The following ANKRD44 variants were observed in gnomAD, a reference collection of about 807,000 sequenced individuals.
ANKRD44 encodes ankyrin repeat domain 44, also known as serine/threonine-protein phosphatase 6 regulatory ankyrin repeat subunit B.
Under a neutral mutation model 116.0 loss-of-function variants are expected in ANKRD44, and 35 were observed. The ratio of observed to expected loss-of-function variants is 0.30; its 90% confidence interval spans 0.23 to 0.40. ANKRD44 has a LOEUF of 0.40. Ranked by LOEUF, ANKRD44 falls within the 10% of genes least tolerant of loss-of-function variation. The pLI, the probability that ANKRD44 is intolerant of heterozygous loss-of-function variation, is 1.00. For synonymous variants in ANKRD44, 435 were observed against 461.8 expected, an observed-to-expected ratio of 0.94 and a Z score of 0.74; for missense variants, 1,014 against 1,242.6, an observed-to-expected ratio of 0.82 and a Z score of 2.77.
At chr2:197,089,064 A>C (rs1164926061) in intron 11 of ANKRD44, among the ~76,000 whole-genome samples, 1 of 152,206 alleles carries the variant, frequency 6.6e-6, no homozygotes, top group African/African-American at 2.4e-5. Context: ...AACCAATTTG[A>C]GATAAGTAGG....
chr2:197,083,654 A>T (rs1308099434), intron 13 of ANKRD44, 145 bp from the exon 14 acceptor site: 1 of 745,664 alleles, frequency 1.3e-6, no homozygotes, highest in African/African-American at 1.8e-5. Flanking sequence ...GCCTTCCTTC[A>T]ACTATACAAG....
At chr2:197,299,369 G>A (rs1479298148) in intron 1 of ANKRD44, 1 of 152,118 alleles carries the variant, frequency 6.6e-6, no homozygotes, top group East Asian at 1.9e-4. Context: ...ATAAGAAAAA[G>A]GTACTTGCAC....
At position 197,242,778 on chromosome 2, in the gene ANKRD44, C is replaced by T. The variant is rs76806340; in HGVS notation, c.28-55672G>A. Among the ~76,000 whole-genome samples the T allele has an allele frequency of 2.2e-3, 336 of 152,280 alleles. 4 individuals are homozygous for T. Among genetic ancestry groups the T allele is most frequent in the African/African-American group, 7.6e-3 (315 of 41,556 alleles). ...AGGCAAAGGACATGCTTTTATTTAC[C>T]TGGGCCTCAACACTCAAGATGAGAC... On this transcript the variant is annotated intron_variant, in intron 1 of 27. Coordinates refer to ENST00000282272, the MANE Select transcript of ANKRD44 (RefSeq NM_001195144.2).
intron 7 of ANKRD44, 24 bp downstream of exon 7, chr2:197,122,626 A>G (rs754196167): frequency 1.2e-6 from 2 of 1,608,832 alleles, no homozygotes; most frequent in South Asian, 1.1e-5. Flanking sequence ...CTGGCCATGC[A>G]TTGATGCATT....
chr2:197,062,546 G>A lies in ANKRD44; in HGVS notation c.1650+16157C>T, dbSNP rs146284046. The stretch of plus-strand genomic sequence containing the variant: ...AGCAGGGCGAGGCATCGCCTCACCC[G>A]GGAAGCGCAAGGGGTCAGGGAATTC... On this transcript the variant is annotated intron_variant, in intron 16 of 27. Coordinates refer to ENST00000282272, the MANE Select transcript of ANKRD44 (RefSeq NM_001195144.2). Among the ~76,000 whole-genome samples the A allele has an allele frequency of 0.013, 1,925 of 152,310 alleles. 107 individuals carry two copies. The East Asian group carries it at 0.15, about 12-fold the overall frequency.
At chr2:197,229,786 T>C (rs2081812429) in intron 1 of ANKRD44, among the ~76,000 whole-genome samples, 2 of 152,166 alleles carry the variant, frequency 1.3e-5, no homozygotes, top group African/African-American at 4.8e-5. Flanking sequence ...AAACTAGGGC[T>C]AGAGCCCATG....
intron 4 of ANKRD44, among the ~76,000 whole-genome samples, chr2:197,131,254 C>T (rs1328830709): frequency 6.7e-6 from 1 of 149,946 alleles, no homozygotes; most frequent in Non-Finnish European, 1.5e-5. Context: ...TGCAGTGGCG[C>T]GATCTCGGCT....
chr2:197,049,460 A>G (rs1268926692), intron 16 of ANKRD44, among the ~76,000 whole-genome samples: 1 of 152,172 alleles, frequency 6.6e-6, no homozygotes, highest in Admixed American at 6.6e-5. Context: ...ACACGGTAGC[A>G]AGAAATCCTT....
At chr2:197,122,602 A>C (rs761904880) in intron 7 of ANKRD44, 48 bp downstream of exon 7, 2 of 1,574,406 alleles carry the variant, frequency 1.3e-6, no homozygotes, top group East Asian at 4.6e-5. Flanking sequence ...AATAACAGAA[A>C]TCTTACAAAT....
intron 1 of ANKRD44, among the ~76,000 whole-genome samples, chr2:197,228,816 A>G (rs1028737112): frequency 1.3e-5 from 2 of 152,216 alleles, no homozygotes; most frequent in Admixed American, 6.5e-5. Context: ...CAAGTGGATC[A>G]CCTGAGGTCA....
chr2:197,007,451 G>A (rs1023145585), intron 20 of ANKRD44, among the ~76,000 whole-genome samples: 7 of 152,040 alleles, frequency 4.6e-5, no homozygotes, highest in Admixed American at 2.6e-4. Flanking sequence ...ACTGGTGATT[G>A]TGATTTTCTT....
rs574035582 is a variant in ANKRD44 at position 196,998,566 on chromosome 2, T to G, written c.2666-147A>C. 69 of 696,256 alleles carry G rather than the reference T, an allele frequency of 9.9e-5. No homozygotes were observed. In the East Asian group the frequency reaches 1.8e-3, roughly 19 times the overall value. 43.1% of individuals were successfully genotyped at this position (696,256 alleles called of 1,614,324 possible). ...GTATTTAAAGAAAAAAGGGAGTAAT[T>G]TATTCTCATATCTGTGCTATCCAAA... On this transcript the variant is annotated intron_variant, in intron 24 of 27. Coordinates refer to ENST00000282272, the MANE Select transcript of ANKRD44 (RefSeq NM_001195144.2).
At chr2:197,137,961 T>C (rs2079261038) in intron 3 of ANKRD44, among the ~76,000 whole-genome samples, 1 of 152,182 alleles carries the variant, frequency 6.6e-6, no homozygotes, top group South Asian at 2.1e-4. Flanking sequence ...AACAGGAAGC[T>C]GTGGGCTAAA....
chr2:197,293,851 C>T (rs2083640316), intron 1 of ANKRD44, among the ~76,000 whole-genome samples: 1 of 152,176 alleles, frequency 6.6e-6, no homozygotes, highest in Non-Finnish European at 1.5e-5. Context: ...GATACTAGAA[C>T]CACATGATAA....
At chr2:197,091,735 T>C (rs1405356876) in intron 10 of ANKRD44, among the ~76,000 whole-genome samples, 1 of 152,204 alleles carries the variant, frequency 6.6e-6, no homozygotes, top group Non-Finnish European at 1.5e-5. Flanking sequence ...GAGTTAATAA[T>C]GGCTATATTG....
intron 3 of ANKRD44, among the ~76,000 whole-genome samples, chr2:197,138,867 A>T (rs1482753830): frequency 1.3e-5 from 2 of 152,218 alleles, no homozygotes; most frequent in South Asian, 4.1e-4. Context: ...TGTGCTTTAA[A>T]TTTTTTGTAA....
At chr2:197,093,437 GAGA>G (rs1033957185) in intron 10 of ANKRD44, among the ~76,000 whole-genome samples, 73 of 152,028 alleles carry the variant, frequency 4.8e-4, no homozygotes, top group African/African-American at 1.5e-3. Context: ...TTACAAACCT[GAGA>G]AGATGAAAGA....
intron 15 of ANKRD44, 75 bp from the exon 16 acceptor site, chr2:197,078,889 T>C: frequency 6.8e-7 from 1 of 1,460,478 alleles, no homozygotes; most frequent in Non-Finnish European, 9.3e-7. Flanking sequence ...TAAATCCTCC[T>C]ATTACGAACG....
chr2:197,133,932 C>CTTTTCT (rs60792083), intron 4 of ANKRD44: 4,450 of 67,148 alleles, frequency 0.066, 1,119 homozygotes, highest in Middle Eastern at 0.15. Context: ...CCTTTCTTTT[C>CTTTTCT]TTTTCTTTTT....
Sources: gnomAD v4.1 joint callset for allele counts (sites outside exome capture counted in the v4.1 genomes callset) on GRCh38, gnomAD v4.1.1 for gene constraint, MANE v1.5 for transcripts, NCBI Gene and HGNC (gene_info 2026-07-23, HGNC 2026-07-21) for gene names.